RTN4: variants seen among roughly 807,000 people sequenced by gnomAD.
The protein encoded by RTN4 is reticulon-4.
A neutral mutation model predicts 90.4 loss-of-function variants in RTN4; 32 were observed. That is an observed-to-expected ratio of 0.35 (90% CI 0.27 to 0.48). The LOEUF is 0.48. Among genes scored for constraint, RTN4 ranks in the 20% least tolerant of loss-of-function variants. The pLI is 0.99. For missense variants in RTN4, 1,706 were observed against 1,430.2 expected (o/e 1.19, Z -3.11); for synonymous variants, 629 against 552.5 (o/e 1.14, Z -1.94).
At chr2:55,000,380 T>C (rs1679768019) in intron 3 of RTN4, among the ~76,000 whole-genome samples, 2 of 152,180 alleles carry the variant, frequency 1.3e-5, no homozygotes, top group African/African-American at 4.8e-5. Flanking sequence ...TCTCTTCCAC[T>C]AAATCTTTCC....
At chr2:55,059,936 C>T (rs1294812574) in intron 2 of RTN4, among the ~76,000 whole-genome samples, 2 of 152,050 alleles carry the variant, frequency 1.3e-5, no homozygotes, top group African/African-American at 4.8e-5. Flanking sequence ...CCTTGGCCTC[C>T]CAAAGTGCTG....
intron 1 of RTN4, among the ~76,000 whole-genome samples, chr2:55,106,492 C>T (rs1667945824): frequency 6.6e-6 from 1 of 152,022 alleles, no homozygotes; most frequent in Admixed American, 6.6e-5. Context: ...TTTCTAGATA[C>T]ATTTTGTTGC....
chr2:55,136,865 C>T, the RTN4 span, among the ~76,000 whole-genome samples: 1 of 152,180 alleles, frequency 6.6e-6, no homozygotes, highest in Admixed American at 6.5e-5. Context: ...TTGAATTCAG[C>T]AAATCAATAC....
intron 2 of RTN4, among the ~76,000 whole-genome samples, chr2:55,062,009 GACATCAAGAGC>G (rs917049622): frequency 1.6e-5 from 2 of 122,902 alleles, no homozygotes; most frequent in African/African-American, 2.7e-5. Flanking sequence ...ATTTCGAGAG[GACATCAAGAGC>G]ACGTCAAGAG....
At chr2:55,123,491 G>C in the RTN4 span, among the ~76,000 whole-genome samples, 1 of 151,982 alleles carries the variant, frequency 6.6e-6, no homozygotes, top group East Asian at 1.9e-4. Context: ...AAAATTATTT[G>C]AGATCTTGTA....
chr2:55,083,415 G>C (rs547883564), intron 1 of RTN4, among the ~76,000 whole-genome samples: 1 of 152,194 alleles, frequency 6.6e-6, no homozygotes, highest in Non-Finnish European at 1.5e-5. Flanking sequence ...AGGATTGCTT[G>C]AGCCTGGGAG....
intron 1 of RTN4, among the ~76,000 whole-genome samples, chr2:55,031,519 G>C (rs970847488): frequency 6.6e-6 from 1 of 152,212 alleles, no homozygotes; most frequent in Non-Finnish European, 1.5e-5. Context: ...GACTCGGCAA[G>C]GCCTAGCCAA....
At chr2:55,049,257 G>C in intron 1 of RTN4, 1 of 785,014 alleles carries the variant, frequency 1.3e-6, no homozygotes, top group Non-Finnish European at 1.5e-6. Context: ...AGGGAGCCCG[G>C]GGCAGAATGC....
chr2:55,047,741 A>AT (rs1341663029), intron 1 of RTN4, among the ~76,000 whole-genome samples: 1 of 152,192 alleles, frequency 6.6e-6, no homozygotes, highest in African/African-American at 2.4e-5. Context: ...AGTAGCAAGT[A>AT]CTTATGAATG....
At chr2:55,081,537 G>C (rs1668717565) in intron 1 of RTN4, among the ~76,000 whole-genome samples, 1 of 152,024 alleles carries the variant, frequency 6.6e-6, no homozygotes, top group South Asian at 2.1e-4. Context: ...TGCAAACTCA[G>C]AGAATTTATT....
intron 1 of RTN4, among the ~76,000 whole-genome samples, chr2:55,036,570 C>G (rs1449308572): frequency 7.3e-6 from 1 of 137,562 alleles, no homozygotes; most frequent in Non-Finnish European, 1.5e-5. Flanking sequence ...CCACTGCACT[C>G]CAGCCCAGGC....
At chr2:54,983,450 C>T (rs1224921869) in intron 4 of RTN4, among the ~76,000 whole-genome samples, 2 of 152,100 alleles carry the variant, frequency 1.3e-5, no homozygotes, top group Non-Finnish European at 2.9e-5. Context: ...CAGGGTACAA[C>T]CAACTCAGAA....
intron 1 of RTN4, among the ~76,000 whole-genome samples, chr2:55,041,170 G>T (rs1195028234): frequency 6.6e-6 from 1 of 150,736 alleles, no homozygotes; most frequent in Non-Finnish European, 1.5e-5. Flanking sequence ...CCAAATACCT[G>T]TATAATTCAG....
At chr2:55,097,481 A>C in intron 1 of RTN4, among the ~76,000 whole-genome samples, 1 of 152,164 alleles carries the variant, frequency 6.6e-6, no homozygotes, top group South Asian at 2.1e-4. Context: ...AAACAAGAAG[A>C]AACTGGAGGC....
intron 1 of RTN4, among the ~76,000 whole-genome samples, chr2:55,091,334 C>A (rs573451035): frequency 6.6e-6 from 1 of 152,166 alleles, no homozygotes; most frequent in Non-Finnish European, 1.5e-5. Flanking sequence ...CCTTTCTTCC[C>A]ACATACACAT....
chr2:55,037,617 G>A (rs1445443418), intron 1 of RTN4, among the ~76,000 whole-genome samples: 1 of 152,128 alleles, frequency 6.6e-6, no homozygotes, highest in East Asian at 1.9e-4. Context: ...CTCTGCCTCT[G>A]ACCCAGGCAT....
intron 2 of RTN4, among the ~76,000 whole-genome samples, chr2:55,058,783 G>C (rs777499127): frequency 6.6e-6 from 1 of 152,176 alleles, no homozygotes; most frequent in Non-Finnish European, 1.5e-5. Context: ...TTTCAGTCAC[G>C]TGGCAGCTCT....
chr2:55,076,099 A>G (rs1668594251), intron 2 of RTN4, among the ~76,000 whole-genome samples: 1 of 152,208 alleles, frequency 6.6e-6, no homozygotes, highest in East Asian at 1.9e-4. Flanking sequence ...TAAATTTAAA[A>G]AAGCTCCTGC....
chr2:55,023,071 T>C (rs1190094242), intron 3 of RTN4, among the ~76,000 whole-genome samples: 2 of 152,126 alleles, frequency 1.3e-5, no homozygotes, highest in African/African-American at 4.8e-5. Flanking sequence ...ACTCTCCTCC[T>C]ACCTCTCCTA....
Sources: allele counts gnomAD v4.1 joint callset (sites outside exome capture counted in the v4.1 genomes callset), GRCh38; gene constraint gnomAD v4.1.1; transcripts MANE v1.5; gene names NCBI Gene and HGNC (gene_info 2026-07-23, HGNC 2026-07-21).